Variants in PUDP observed in about 807,000 individuals in gnomAD.
PUDP encodes pseudouridine 5'-phosphatase.
Under a neutral mutation model 9.4 loss-of-function variants are expected in PUDP, and 8 were observed. The observed-to-expected ratio is 0.85, with a 90% CI of 0.50 to 1.53. PUDP has a LOEUF of 1.53. PUDP is among the 40% of genes most tolerant of loss of function. The probability of loss-of-function intolerance (pLI) is 0.00; values close to 1 mark genes in which losing one functional copy is unlikely to be tolerated. For synonymous variants in PUDP, 99 were observed against 80.7 expected (o/e 1.23, Z -1.22); for missense variants, 188 against 189.7 (o/e 0.99, Z 0.05).
intron 2 of PUDP, among the ~76,000 whole-genome samples, chrX:7,078,166 T>C (rs1271412786): frequency 1.8e-5 from 2 of 112,526 alleles, no homozygotes; most frequent in Admixed American, 9.4e-5. Context: ...GAGGTCATCA[T>C]AGAGCCAATC....
chrX:6,764,054 C>A (rs1387679853), intron 3 of PUDP, among the ~76,000 whole-genome samples: 1 of 111,893 alleles, frequency 8.9e-6, no homozygotes, highest in Non-Finnish European at 1.9e-5. Flanking sequence ...TAGAGTGCAG[C>A]AAATTTTTCA....
chrX:6,723,286 T>A (rs1602598814), upstream of PUDP, among the ~76,000 whole-genome samples: 1 of 99,650 alleles, frequency 1.0e-5, no homozygotes, highest in Admixed American at 1.1e-4. Flanking sequence ...AAAAAAAAAA[T>A]TAGCCAGGCA....
At chrX:7,066,587 G>A (rs771094259) in intron 3 of PUDP, among the ~76,000 whole-genome samples, 6 of 111,193 alleles carry the variant, frequency 5.4e-5, no homozygotes, top group East Asian at 2.9e-4. Flanking sequence ...GACAGGAGGC[G>A]GAGCTCAGGT....
intron 3 of PUDP, among the ~76,000 whole-genome samples, chrX:6,790,042 T>C (rs1301808188): frequency 3.6e-5 from 4 of 110,522 alleles, no homozygotes; most frequent in Non-Finnish European, 7.6e-5. Flanking sequence ...GATTGATAGA[T>C]ACAAGATAGA....
intron 3 of PUDP, among the ~76,000 whole-genome samples, chrX:6,737,473 T>C (rs1441309522): frequency 5.5e-5 from 6 of 110,044 alleles, no homozygotes; most frequent in Non-Finnish European, 9.5e-5. Context: ...GGGGAGGGGA[T>C]TGTTTCTAGA....
Position 7,050,079 on chromosome X carries a change from C to T in PUDP, c.*217G>A, listed in dbSNP as rs1158683467. On this transcript the variant is annotated 3_prime_UTR_variant, in exon 4 of 4. Transcript: ENST00000381077. ...CAAGTTTCATCTTTGTTCTGGGCTT[C>T]GTTTCTGTCTCTACTGTATTTTTTG... 8.0e-6 allele frequency: 3 copies of T among 375,116 alleles called. No homozygotes were observed. The highest frequency in any genetic ancestry group is 5.0e-5 in the Admixed American group (1 of 20,168). 30.9% of individuals were successfully genotyped at this position (375,116 alleles called of 1,213,427 possible).
chrX:6,909,013 A>G (rs1049098893), intron 3 of PUDP, among the ~76,000 whole-genome samples: 5 of 111,602 alleles, frequency 4.5e-5, no homozygotes, highest in Non-Finnish European at 7.5e-5. Flanking sequence ...GCTAGATATG[A>G]GATCAACTTG....
chrX:6,981,509 A>C (rs2146799768), intron 1 of PUDP, among the ~76,000 whole-genome samples: 1 of 111,841 alleles, frequency 8.9e-6, no homozygotes, highest in South Asian at 3.7e-4. Flanking sequence ...AAAAAATTAA[A>C]AGTTTCATCA....
intron 2 of PUDP, among the ~76,000 whole-genome samples, chrX:7,089,390 G>A (rs1047866889): frequency 2.7e-5 from 3 of 111,110 alleles, no homozygotes; most frequent in Admixed American, 9.6e-5. Flanking sequence ...TTTTATCTAC[G>A]TCCTCCACTG....
rs1343016944 is a variant in PUDP at position 6,741,842 on chromosome X, CTTTCTTTCTT to C, written c.*248-35386_*248-35377del. On this transcript the variant is annotated intron_variant and NMD_transcript_variant, in intron 3 of 3. Transcript: ENST00000655425. ...TCTCTCTCTCTCTCTTTCTTTCTTT[CTTTCTTTCTT>C]TTTCTTTCTTTCTTTCTTTCTTTGA... Among the ~76,000 whole-genome samples, 160 of 102,474 alleles carry C rather than the reference CTTTCTTTCTT, an allele frequency of 1.6e-3. 2 individuals are homozygous for C. The highest frequency in any genetic ancestry group is 5.8e-3 in the African/African-American group (155 of 26,540). 89.0% of individuals were successfully genotyped at this position (102,474 alleles called of 115,157 possible).
At position 7,048,931 on chromosome X, in the gene PUDP, A is replaced by T. The variant is rs1310164802; in HGVS notation, c.*1365T>A. On this transcript the variant is annotated 3_prime_UTR_variant, in exon 4 of 4. Coordinates refer to ENST00000381077, the MANE Select transcript of PUDP (RefSeq NM_012080.5). ...CTCATACAAATATCAACATGTGTCA[A>T]AAGATTTTATTAAACTAATTCAATT... 1.8e-5 allele frequency: 2 copies of T among 112,474 alleles called. No individual in the cohort carries two copies. The highest frequency in any genetic ancestry group is 3.7e-5 in the Non-Finnish European group (2 of 53,344). 9.3% of individuals were successfully genotyped at this position (112,474 alleles called of 1,213,427 possible).
intron 3 of PUDP, among the ~76,000 whole-genome samples, chrX:6,759,222 A>G (rs1369777630): frequency 8.9e-6 from 1 of 112,443 alleles, no homozygotes; most frequent in African/African-American, 3.2e-5. Flanking sequence ...CTGTGCAATC[A>G]GCTTCATTAC....
chrX:6,830,701 T>A lies in PUDP; in HGVS notation c.*248-124235A>T, dbSNP rs947911245. On this transcript the variant is annotated intron_variant and NMD_transcript_variant, in intron 3 of 3. Coordinates refer to the PUDP transcript ENST00000655425. ...CTAGGGGTTACTACTGTAGCCAAATTAGCACAGTGTTTTGCACAAAAAAGA... is the reference window on the plus strand; with the variant it reads ...CTAGGGGTTACTACTGTAGCCAAATAAGCACAGTGTTTTGCACAAAAAAGA... Among the ~76,000 whole-genome samples the A allele has an allele frequency of 2.7e-5, 3 of 112,329 alleles. No homozygotes were observed. In the Admixed American group the frequency reaches 2.8e-4, roughly 11 times the overall value.
intron 1 of PUDP, among the ~76,000 whole-genome samples, chrX:7,111,745 T>C (rs1307665930): frequency 8.9e-6 from 1 of 112,024 alleles, no homozygotes; most frequent in East Asian, 2.8e-4. Context: ...CCTAATGATG[T>C]AGTCATGCCA....
upstream of PUDP, among the ~76,000 whole-genome samples, chrX:6,726,412 A>G: frequency 9.0e-6 from 1 of 111,233 alleles, no homozygotes; most frequent in Non-Finnish European, 1.9e-5. Flanking sequence ...ATTTTCAGAA[A>G]ACTAGAAGAG....
chrX:6,992,438 A>AC (rs1203221594), intron 1 of PUDP, among the ~76,000 whole-genome samples: 2 of 104,513 alleles, frequency 1.9e-5, no homozygotes, highest in Non-Finnish European at 3.9e-5. Flanking sequence ...GTGCCCGGCT[A>AC]ATTTTTTGTA....
At chrX:6,777,813 A>C (rs1925490103) in intron 3 of PUDP, among the ~76,000 whole-genome samples, 1 of 111,704 alleles carries the variant, frequency 9.0e-6, no homozygotes, top group South Asian at 3.8e-4. Flanking sequence ...GTCTATACTT[A>C]CATGGAAACT....
intron 1 of PUDP, among the ~76,000 whole-genome samples, chrX:7,027,244 C>G (rs1929723911): frequency 9.0e-6 from 1 of 111,068 alleles, no homozygotes; most frequent in Non-Finnish European, 1.9e-5. Context: ...CCAGCTGAGC[C>G]TGCTGCATCA....
chrX:7,098,239 A>G (rs1174274407), intron 2 of PUDP, among the ~76,000 whole-genome samples: 1 of 112,380 alleles, frequency 8.9e-6, no homozygotes, highest in Non-Finnish European at 1.9e-5. Context: ...ACAGAAATGT[A>G]TTTCTCACAC....
Sources: allele counts gnomAD v4.1 joint callset (sites outside exome capture counted in the v4.1 genomes callset), GRCh38; gene constraint gnomAD v4.1.1; transcripts MANE v1.5; gene names NCBI Gene and HGNC (gene_info 2026-07-23, HGNC 2026-07-21).